Variants in VAC14 observed in about 807,000 individuals in gnomAD.
The protein encoded by VAC14 is VAC14 component of PIKFYVE complex, also known as protein VAC14 homolog.
Under a neutral mutation model 85.3 loss-of-function variants are expected in VAC14, and 47 were observed. That is an observed-to-expected ratio of 0.55 (90% confidence interval 0.44 to 0.70). The LOEUF (loss-of-function observed/expected upper bound fraction) is 0.70. Ranked by LOEUF, VAC14 falls within the 30% of genes least tolerant of loss-of-function variation. The pLI, the probability that VAC14 is intolerant of heterozygous loss-of-function variation, is 0.00. For missense variants in VAC14, 861 were observed against 1,004.3 expected, an observed-to-expected ratio of 0.86 and a Z score of 1.93; for synonymous variants, 447 against 430.5, an observed-to-expected ratio of 1.04 and a Z score of -0.47.
intron 14 of VAC14, among the ~76,000 whole-genome samples, chr16:70,713,453 T>G (rs1396870375): frequency 6.6e-6 from 1 of 152,202 alleles, no homozygotes; most frequent in Non-Finnish European, 1.5e-5. Context: ...CCAATTAAAG[T>G]ACAAAGGGTT....
At chr16:70,781,084 G>T in intron 8 of VAC14, 145 bp from the exon 9 acceptor site, 1 of 1,126,426 alleles carries the variant, frequency 8.9e-7, no homozygotes, top group Non-Finnish European at 1.3e-6. Flanking sequence ...AAATGGCTTG[G>T]TGCCCTCCCC....
chr16:70,698,862 T>C (rs1313527043), intron 14 of VAC14, 51 bp from the exon 15 acceptor site: 2 of 1,592,970 alleles, frequency 1.3e-6, no homozygotes, highest in Non-Finnish European at 1.7e-6. Context: ...TGGAAGGCTC[T>C]GTGTCTCAGC....
At chr16:70,775,521 G>A (rs988650904) in intron 9 of VAC14, among the ~76,000 whole-genome samples, 1 of 152,210 alleles carries the variant, frequency 6.6e-6, no homozygotes, top group Non-Finnish European at 1.5e-5. Context: ...TTATTTCCAT[G>A]TCTGTACTGC....
intron 16 of VAC14, among the ~76,000 whole-genome samples, chr16:70,696,371 G>C (rs1157142979): frequency 6.6e-6 from 1 of 152,126 alleles, no homozygotes; most frequent in Non-Finnish European, 1.5e-5. Flanking sequence ...AAATTAGCCG[G>C]GCATGGTGGT....
chr16:70,722,516 C>T (rs915680113), intron 14 of VAC14, among the ~76,000 whole-genome samples: 1 of 152,212 alleles, frequency 6.6e-6, no homozygotes, highest in Non-Finnish European at 1.5e-5. Flanking sequence ...TCTGCTAAAT[C>T]GCAGGCGGAG....
At chr16:70,739,576 C>A (rs549415514) in intron 13 of VAC14, among the ~76,000 whole-genome samples, 5 of 152,072 alleles carry the variant, frequency 3.3e-5, no homozygotes, top group Non-Finnish European at 7.4e-5. Flanking sequence ...TGTGGGCTCT[C>A]GGGCCAGGCT....
At chr16:70,757,737 C>T (rs939302850) in intron 12 of VAC14, among the ~76,000 whole-genome samples, 1 of 152,210 alleles carries the variant, frequency 6.6e-6, no homozygotes, top group Non-Finnish European at 1.5e-5. Context: ...AGGCCCTTTA[C>T]AGAAATGACC....
At chr16:70,773,755 CA>C (rs2033367997) in intron 9 of VAC14, among the ~76,000 whole-genome samples, 1 of 150,584 alleles carries the variant, frequency 6.6e-6, no homozygotes, top group Non-Finnish European at 1.5e-5. Flanking sequence ...ACCCATAGTT[CA>C]ATTATTATTA....
At chr16:70,761,010 TGTGTGTGTGC>T in intron 12 of VAC14, 1 of 323,666 alleles carries the variant, frequency 3.1e-6, no homozygotes, top group Non-Finnish European at 5.9e-6. Context: ...TGTGTGTGTG[TGTGTGTGTGC>T]ATGGGGGGGC....
intron 13 of VAC14, among the ~76,000 whole-genome samples, chr16:70,741,772 A>G (rs2030336057): frequency 6.6e-6 from 1 of 152,202 alleles, no homozygotes; most frequent in African/African-American, 2.4e-5. Flanking sequence ...CTAATCTGAC[A>G]GCCTCGGTGA....
chr16:70,773,521 C>T (rs969708134), intron 9 of VAC14, among the ~76,000 whole-genome samples: 4 of 152,142 alleles, frequency 2.6e-5, no homozygotes, highest in Non-Finnish European at 4.4e-5. Context: ...CTTCAGTCCC[C>T]GTCTAGGCAC....
chr16:70,759,215 G>A (rs2032117067), intron 12 of VAC14, among the ~76,000 whole-genome samples: 1 of 152,218 alleles, frequency 6.6e-6, no homozygotes, highest in South Asian at 2.1e-4. Context: ...CATCCTGGGA[G>A]AGCAAGACAT....
At chr16:70,705,155 A>C (rs1251827095) in intron 14 of VAC14, among the ~76,000 whole-genome samples, 1 of 152,086 alleles carries the variant, frequency 6.6e-6, no homozygotes, top group Admixed American at 6.5e-5. Context: ...GACTGTTAGG[A>C]CGCTGAGCCA....
intron 13 of VAC14, among the ~76,000 whole-genome samples, chr16:70,741,984 C>T (rs1172133405): frequency 6.6e-6 from 1 of 152,220 alleles, no homozygotes; most frequent in Non-Finnish European, 1.5e-5. Context: ...CCTACTCCCT[C>T]CGGCCCAGGC....
chr16:70,701,305 GCCTGGCCA>G (rs2053822934), intron 14 of VAC14, among the ~76,000 whole-genome samples: 1 of 152,110 alleles, frequency 6.6e-6, no homozygotes, highest in East Asian at 1.9e-4. Flanking sequence ...GGAAGGCCCT[GCCTGGCCA>G]CCTAGCAGGC....
At chr16:70,728,572 C>T (rs972528005) in intron 14 of VAC14, among the ~76,000 whole-genome samples, 1 of 152,222 alleles carries the variant, frequency 6.6e-6, no homozygotes, top group Admixed American at 6.5e-5. Context: ...CCTCCAGCTT[C>T]ACAGAGCCTC....
chr16:70,797,966 T>A (rs1229591015), intron 1 of VAC14, among the ~76,000 whole-genome samples: 1 of 152,204 alleles, frequency 6.6e-6, no homozygotes, highest in Non-Finnish European at 1.5e-5. Context: ...GTGAGCCAAA[T>A]AAATCTCTTT....
chr16:70,753,680 C>G (rs2031591417), intron 12 of VAC14, among the ~76,000 whole-genome samples: 1 of 152,206 alleles, frequency 6.6e-6, no homozygotes, highest in African/African-American at 2.4e-5. Flanking sequence ...GGCACCCGGG[C>G]TCTGCTTGAG....
intron 10 of VAC14, chr16:70,766,437 C>G (rs1210564306): frequency 6.6e-6 from 3 of 454,552 alleles, no homozygotes; most frequent in Non-Finnish European, 1.3e-5. Flanking sequence ...CCAACTTTCT[C>G]CACAGCAAAC....
Sources: gnomAD v4.1 joint callset for allele counts (sites outside exome capture counted in the v4.1 genomes callset) on GRCh38, gnomAD v4.1.1 for gene constraint, MANE v1.5 for transcripts, NCBI Gene and HGNC (gene_info 2026-07-23, HGNC 2026-07-21) for gene names.